OVCH2: variants seen among roughly 807,000 people sequenced by gnomAD.
OVCH2 encodes the protein ovochymase-2.
OVCH2 carries 88 observed loss-of-function variants against 73.7 expected under a neutral mutation model. The ratio of observed to expected loss-of-function variants is 1.19; its 90% CI spans 1.01 to 1.43. The LOEUF is 1.43. Ranked by LOEUF, OVCH2 falls within the 40% of genes most tolerant of loss-of-function variation. The probability of loss-of-function intolerance (pLI) is 0.00; values close to 1 mark genes in which losing one functional copy is unlikely to be tolerated. For synonymous variants in OVCH2, 265 were observed against 234.5 expected (o/e 1.13, Z -1.19); for missense variants, 706 against 674.5 (o/e 1.05, Z -0.52).
chr11:7,683,068 G>A, the OVCH2 span, among the ~76,000 whole-genome samples: 2 of 152,148 alleles, frequency 1.3e-5, no homozygotes, highest in African/African-American at 4.8e-5. Context: ...TCAAATCACA[G>A]ACACCTCCTT....
At chr11:7,679,326 C>T in the OVCH2 span, among the ~76,000 whole-genome samples, 1 of 152,164 alleles carries the variant, frequency 6.6e-6, no homozygotes, top group Non-Finnish European at 1.5e-5. Flanking sequence ...GAATAGCCTC[C>T]TGATGGGTGC....
chr11:7,701,164 C>T (rs1056689985), intron 6 of OVCH2, among the ~76,000 whole-genome samples, 160 bp downstream of exon 6: 7 of 152,198 alleles, frequency 4.6e-5, no homozygotes, highest in African/African-American at 1.7e-4. Context: ...ATTTAACTAA[C>T]TATTTGACCC....
chr11:7,689,516 T>TGCC lies in OVCH2; in HGVS notation c.*117_*118insGGC, dbSNP rs1856179434. On this transcript the variant is annotated 3_prime_UTR_variant, in exon 16 of 16. Transcript: ENST00000533663. ...AGATCAACGTGTCAGCAGGGATGGCTCTGTCTGAGGGCTGTGACGAGGAGT... is the reference window on the plus strand; with the variant it reads ...AGATCAACGTGTCAGCAGGGATGGCTGCCCTGTCTGAGGGCTGTGACGAGGAGT... The TGCC allele has an allele frequency of 2.5e-6, 1 of 398,126 alleles. No individual in the cohort carries two copies. Among genetic ancestry groups the TGCC allele is most frequent in the Non-Finnish European group, 5.0e-6 (1 of 198,108 alleles). The allele number at this position is 398,126 out of a possible 1,614,324, so 24.7% of individuals were successfully genotyped here. A position where few individuals can be genotyped will look rare whatever the true frequency, so the allele number is the denominator to read the frequency against.
In OVCH2 at chr11:7,702,228, G is replaced by C. The variant is rs1427282006; in HGVS notation, c.392C>G (p.Pro131Arg). The change falls in exon 4 of 16, where the codon CCA (proline) becomes CGA (arginine). Residue 131 changes from proline (P) to arginine (R), a missense_variant. By Grantham distance (103) the Pro-to-Arg change is moderately radical. Transcript: ENST00000533663. Reference protein sequence around the residue: ...TLTIETVIIHPHFSTKKPMDY... With the variant: ...TLTIETVIIHRHFSTKKPMDY... ...CATTGGTTTCTTGGTGGAGAAATGT[G>C]GATGTATGATGACAGTTTCAATAGT... is the stretch of plus-strand genomic sequence containing the variant. 1.9e-6 allele frequency: 3 copies of C among 1,612,928 alleles called. No individual in the cohort carries two copies. The African/African-American group carries it at 4.0e-5, about 22-fold the overall frequency.
the OVCH2 span, among the ~76,000 whole-genome samples, chr11:7,681,884 G>T: frequency 6.6e-6 from 1 of 151,492 alleles, no homozygotes; most frequent in East Asian, 1.9e-4. Flanking sequence ...AAAAATGAAG[G>T]GACGCATTCC....
In OVCH2 at chr11:7,695,651, G is replaced by C; in HGVS notation, c.1201C>G (p.Leu401Val). 1 of 1,601,648 alleles carries C rather than the reference G, an allele frequency of 6.2e-7. No individual in the cohort carries two copies. The highest frequency in any genetic ancestry group is 8.5e-7 in the Non-Finnish European group (1 of 1,179,552). The stretch of plus-strand genomic sequence containing the variant: ...TCTGTGGCATCAGAGACGAATTTCA[G>C]CCTTAGAGAATTAGAGCCAATAAGA... ...SILIGSNSLRLKFVSDATDNA... is the reference protein window; with the variant it reads ...SILIGSNSLRVKFVSDATDNA... The change falls in exon 11 of 16, where the codon CTG becomes GTG. Residue 401 changes from leucine (L) to valine (V), a missense_variant. Leu to Val is a conservative substitution (Grantham distance 32). Transcript: ENST00000533663.
chr11:7,681,565 A>T, the OVCH2 span, among the ~76,000 whole-genome samples: 1 of 152,042 alleles, frequency 6.6e-6, no homozygotes, highest in African/African-American at 2.4e-5. Flanking sequence ...TTCCACACCC[A>T]GCTATGTGTA....
the OVCH2 span, among the ~76,000 whole-genome samples, chr11:7,681,379 A>G: frequency 2.6e-5 from 4 of 152,224 alleles, no homozygotes; most frequent in Non-Finnish European, 5.9e-5. Flanking sequence ...CTTATGCAAC[A>G]TAAATGTGCC....
At chr11:7,698,694 G>A (rs1856379549) in intron 8 of OVCH2, 56 bp downstream of exon 8, 7 of 1,570,522 alleles carry the variant, frequency 4.5e-6, no homozygotes, top group Non-Finnish European at 6.1e-6. Flanking sequence ...CTGATATTCA[G>A]AAATGCTAGA....
chr11:7,702,473 C>A, intron 3 of OVCH2, 144 bp from the exon 4 acceptor site: 2 of 689,972 alleles, frequency 2.9e-6, no homozygotes, highest in East Asian at 2.9e-5. Context: ...GAGAATAATT[C>A]CAACACTGTT....
At chr11:7,681,070 C>T in the OVCH2 span, among the ~76,000 whole-genome samples, 16 of 152,272 alleles carry the variant, frequency 1.1e-4, no homozygotes, top group African/African-American at 2.4e-4. Context: ...TTCACCCTGG[C>T]GCTGGCCCAT....
intron 2 of OVCH2, 146 bp downstream of exon 2, chr11:7,704,419 G>T: frequency 1.7e-6 from 1 of 572,650 alleles, no homozygotes. Context: ...TTTTTCTTAT[G>T]ACATTCATCA....
In OVCH2 at chr11:7,706,312, G is replaced by C; in HGVS notation, c.83C>G (p.Pro28Arg). The change falls in exon 1 of 16, where the codon CCC becomes CGC. Residue 28 changes from proline to arginine, a missense_variant. Pro to Arg is a moderately radical substitution (Grantham distance 103). Transcript: ENST00000533663. ...ERGKSATLSLPKAPSCGQSLV... is the reference protein window; with the variant it reads ...ERGKSATLSLRKAPSCGQSLV... ...AGAGTTCATTTGAAACTTACCTTTG[G>C]GGAGCGAAAGAGTTGCAGATTTACC... is the stretch of plus-strand genomic sequence containing the variant. The C allele has an allele frequency of 6.3e-7, 1 of 1,584,070 alleles. No individual in the cohort carries two copies. The highest frequency in any genetic ancestry group is 1.2e-5 in the South Asian group (1 of 85,956).
At chr11:7,703,858 C>G (rs1234313387) in intron 2 of OVCH2, 69 bp from the exon 3 acceptor site, 6 of 1,236,600 alleles carry the variant, frequency 4.9e-6, no homozygotes, top group East Asian at 2.5e-5. Flanking sequence ...GGTGATGAAG[C>G]CTATTCTCAA....
chr11:7,703,452 C>T (rs992866652), intron 3 of OVCH2, among the ~76,000 whole-genome samples: 2 of 152,072 alleles, frequency 1.3e-5, no homozygotes, highest in Non-Finnish European at 2.9e-5. Context: ...GACTTGGATG[C>T]TATTATTAAC....
At chr11:7,706,254 A>G in intron 1 of OVCH2, 53 bp downstream of exon 1, 2 of 1,501,442 alleles carry the variant, frequency 1.3e-6, no homozygotes, top group African/African-American at 1.4e-5. Context: ...TGTGACGTCC[A>G]TTGCCAGCAA....
chr11:7,683,903 A>T, the OVCH2 span, among the ~76,000 whole-genome samples: 1 of 151,552 alleles, frequency 6.6e-6, no homozygotes, highest in African/African-American at 2.4e-5. Context: ...CTCTGACCAT[A>T]CTTTTTTTTA....
chr11:7,701,897 C>G, intron 4 of OVCH2, 86 bp from the exon 5 acceptor site: 1 of 1,137,880 alleles, frequency 8.8e-7, no homozygotes, highest in South Asian at 1.4e-5. Flanking sequence ...CCAGGTGGTC[C>G]CCTAAAGACC....
At chr11:7,685,858 T>G (rs1253567621), downstream of OVCH2, among the ~76,000 whole-genome samples, 1 of 152,194 alleles carries the variant, frequency 6.6e-6, no homozygotes, top group Non-Finnish European at 1.5e-5. Context: ...TTTCCAGAAC[T>G]GTTTTTCAGA....
Sources: gnomAD v4.1 joint callset for allele counts (sites outside exome capture counted in the v4.1 genomes callset) on GRCh38, gnomAD v4.1.1 for gene constraint, MANE v1.5 for transcripts, NCBI Gene and HGNC (gene_info 2026-07-23, HGNC 2026-07-21) for gene names.